Variants in JAKMIP2 observed in about 807,000 individuals in gnomAD.
JAKMIP2 encodes the protein janus kinase and microtubule-interacting protein 2.
A neutral mutation model predicts 115.0 loss-of-function variants in JAKMIP2; 25 were observed. That is an observed-to-expected ratio of 0.22 (90% confidence interval 0.16 to 0.30). The LOEUF is 0.30. Among genes scored for constraint, JAKMIP2 ranks in the 10% least tolerant of loss-of-function variants. JAKMIP2 has a pLI of 1.00. For missense variants in JAKMIP2, 642 were observed against 957.6 expected (o/e 0.67, Z 4.35); for synonymous variants, 334 against 343.6 (o/e 0.97, Z 0.31).
Position 147,746,564 on chromosome 5 carries a change from A to T in JAKMIP2, c.-149+35892T>A, listed in dbSNP as rs140070335. ...AAAATTTTCTATTTATATATCATTT[A>T]TCATGGAGTCTGAAACATGGAAAGT... On this transcript the variant is annotated intron_variant, in intron 1 of 21. Coordinates refer to ENST00000616793, the MANE Select transcript of JAKMIP2 (RefSeq NM_001270941.2). 8.6e-5 allele frequency among the ~76,000 whole-genome samples: 13 copies of T among 152,046 alleles called. 1 individual carries two copies. In the East Asian group the frequency reaches 2.5e-3, roughly 29 times the overall value.
At chr5:147,609,878 C>T (rs111544867) in intron 20 of JAKMIP2, among the ~76,000 whole-genome samples, 1,892 of 152,106 alleles carry the variant, frequency 0.012, 41 homozygotes, top group African/African-American at 0.043. Context: ...AAGCTTTGTT[C>T]ATTTCTTTTC....
intron 3 of JAKMIP2, among the ~76,000 whole-genome samples, chr5:147,658,969 T>TG (rs1465910416): frequency 2.6e-5 from 4 of 152,062 alleles, no homozygotes; most frequent in African/African-American, 4.8e-5. Context: ...CTGGGTTCCA[T>TG]GGGAGCATGG....
intron 1 of JAKMIP2, among the ~76,000 whole-genome samples, chr5:147,750,906 C>T (rs1012865524): frequency 1.8e-4 from 22 of 120,430 alleles, no homozygotes; most frequent in African/African-American, 5.4e-4. Flanking sequence ...CATCGGACTT[C>T]CAATCTACAG....
chr5:147,641,097 T>A (rs1757860698), intron 8 of JAKMIP2, among the ~76,000 whole-genome samples: 1 of 152,204 alleles, frequency 6.6e-6, no homozygotes. Context: ...TATATCATGA[T>A]GAGCTAGTGT....
chr5:147,636,899 G>A (rs917565687), intron 11 of JAKMIP2, 66 bp downstream of exon 11: 8 of 864,714 alleles, frequency 9.3e-6, no homozygotes, highest in African/African-American at 6.5e-5. Context: ...CCATGCACAG[G>A]TGAGCTACAG....
intron 3 of JAKMIP2, 74 bp downstream of exon 3, chr5:147,660,874 A>G: frequency 1.3e-6 from 2 of 1,522,122 alleles, no homozygotes; most frequent in Non-Finnish European, 8.9e-7. Flanking sequence ...ACACATGAAG[A>G]AGCAAACCCC....
At chr5:147,694,515 T>C (rs982192309) in intron 1 of JAKMIP2, among the ~76,000 whole-genome samples, 5 of 152,168 alleles carry the variant, frequency 3.3e-5, no homozygotes, top group Admixed American at 2.0e-4. Context: ...AATTGTCTAG[T>C]GAAATTGATA....
intron 1 of JAKMIP2, among the ~76,000 whole-genome samples, chr5:147,761,851 T>C (rs1389107264): frequency 6.6e-6 from 1 of 152,116 alleles, no homozygotes; most frequent in Non-Finnish European, 1.5e-5. Flanking sequence ...ATAAAAGTAA[T>C]TAAACATTTA....
intron 10 of JAKMIP2, among the ~76,000 whole-genome samples, chr5:147,638,047 A>C (rs1301935842): frequency 6.6e-6 from 1 of 152,178 alleles, no homozygotes; most frequent in African/African-American, 2.4e-5. Context: ...ATCAGGTCCA[A>C]AAAATAATTA....
intron 1 of JAKMIP2, among the ~76,000 whole-genome samples, chr5:147,738,166 T>C (rs995729304): frequency 2.6e-5 from 4 of 152,150 alleles, no homozygotes; most frequent in Non-Finnish European, 4.4e-5. Context: ...CATTTTTTTT[T>C]CCCACTTAAA....
At chr5:147,711,007 C>T (rs752396560) in intron 1 of JAKMIP2, among the ~76,000 whole-genome samples, 2 of 152,160 alleles carry the variant, frequency 1.3e-5, no homozygotes, top group African/African-American at 2.4e-5. Flanking sequence ...TCTTTCTAAA[C>T]ATTATTTACT....
At chr5:147,767,547 G>A (rs901944447) in intron 1 of JAKMIP2, among the ~76,000 whole-genome samples, 1 of 152,020 alleles carries the variant, frequency 6.6e-6, no homozygotes, top group Admixed American at 6.6e-5. Context: ...AGTGAAGGCA[G>A]GCAAATCAGA....
At chr5:147,730,500 GGCTGGAGT>G in intron 1 of JAKMIP2, among the ~76,000 whole-genome samples, 1 of 151,340 alleles carries the variant, frequency 6.6e-6, no homozygotes, top group South Asian at 2.1e-4. Flanking sequence ...TCTGTCGCCA[GGCTGGAGT>G]GCAGTGGTGC....
rs542908767 is a variant in JAKMIP2 at position 147,661,797 on chromosome 5, T to C, written c.130-352A>G. The C allele has an allele frequency of 8.3e-5, 20 of 240,534 alleles. No homozygotes were observed. In the South Asian group the frequency reaches 1.4e-3, roughly 17 times the overall value. The allele number at this position is 240,534 out of a possible 1,614,324, so 14.9% of individuals were successfully genotyped here. ...CCAGATCTATGACTCAGAATTTGCA[T>C]CTTAACAAATCCCCATGTGATTGGT... is the stretch of plus-strand genomic sequence containing the variant. On this transcript the variant is annotated intron_variant, in intron 2 of 21. Transcript: ENST00000616793.
chr5:147,636,196 C>G lies in JAKMIP2; in HGVS notation c.1677+26G>C, dbSNP rs1448592134. ...ATCTCTCATGATTTTCTCCTCTGCCCCGCTAGGGTGTTGTGCCCAACATAC... is the reference window on the plus strand; with the variant it reads ...ATCTCTCATGATTTTCTCCTCTGCCGCGCTAGGGTGTTGTGCCCAACATAC... On this transcript the variant is annotated intron_variant, in intron 12 of 21. Coordinates refer to ENST00000616793, the MANE Select transcript of JAKMIP2 (RefSeq NM_001270941.2). 8 of 1,597,816 alleles carry G rather than the reference C, an allele frequency of 5.0e-6. 1 individual carries two copies. The South Asian group carries it at 5.5e-5, about 11-fold the overall frequency.
intron 1 of JAKMIP2, among the ~76,000 whole-genome samples, chr5:147,684,117 G>A (rs932216006): frequency 6.6e-6 from 1 of 152,014 alleles, no homozygotes; most frequent in African/African-American, 2.4e-5. Flanking sequence ...AGACCGTTAG[G>A]TTGACTAATG....
chr5:147,758,766 AT>A (rs1754832394), intron 1 of JAKMIP2, among the ~76,000 whole-genome samples: 1 of 152,094 alleles, frequency 6.6e-6, no homozygotes, highest in South Asian at 2.1e-4. Context: ...GTTTTATACA[AT>A]GAAATCCCCA....
At position 147,710,934 on chromosome 5, in the gene JAKMIP2, A is replaced by G. The variant is rs72835154; in HGVS notation, c.-148-38980T>C. ...AGGTAACAAATGAATGTTTCTCAAC[A>G]GACAGAGGAATAAAAATCTTTCTAC... On this transcript the variant is annotated intron_variant, in intron 1 of 21. Coordinates refer to ENST00000616793, the MANE Select transcript of JAKMIP2 (RefSeq NM_001270941.2). 4.4e-3 allele frequency among the ~76,000 whole-genome samples: 667 copies of G among 152,356 alleles called. 4 individuals carry two copies. The highest frequency in any genetic ancestry group is 7.7e-3 in the Non-Finnish European group (522 of 68,022).
At chr5:147,742,156 T>TATATATATATATA (rs1554084271) in intron 1 of JAKMIP2, among the ~76,000 whole-genome samples, 39 of 83,966 alleles carry the variant, frequency 4.6e-4, no homozygotes, top group East Asian at 1.3e-3. Context: ...TATATATATA[T>TATATATATATATA]TTTTTTTACT....
Sources: allele counts gnomAD v4.1 joint callset (sites outside exome capture counted in the v4.1 genomes callset), GRCh38; gene constraint gnomAD v4.1.1; transcripts MANE v1.5; gene names NCBI Gene and HGNC (gene_info 2026-07-23, HGNC 2026-07-21).